The following MAK variants were observed in gnomAD, a reference collection of about 807,000 sequenced individuals.
The protein encoded by MAK is serine/threonine-protein kinase MAK.
In MAK, 65 loss-of-function variants were observed where a neutral mutation model predicts 82.6. That is an observed-to-expected ratio of 0.79 (90% CI 0.64 to 0.97). The LOEUF (loss-of-function observed/expected upper bound fraction) is 0.97. MAK is among the 50% of genes least tolerant of loss of function. The probability of loss-of-function intolerance (pLI) is 0.00; values close to 1 mark genes in which losing one functional copy is unlikely to be tolerated. For missense variants in MAK, 703 were observed against 780.2 expected, an observed-to-expected ratio of 0.90 and a Z score of 1.18; for synonymous variants, 250 against 274.2, an observed-to-expected ratio of 0.91 and a Z score of 0.87.
chr6:10,801,843 T>A (rs1274791128), intron 8 of MAK, 49 bp downstream of exon 8: 2 of 1,575,114 alleles, frequency 1.3e-6, no homozygotes, highest in East Asian at 4.5e-5. Context: ...ATCCCTGATA[T>A]TACAAAACCT....
chr6:10,827,586 A>G (rs769218326), intron 2 of MAK: 2 of 152,222 alleles, frequency 1.3e-5, no homozygotes, highest in African/African-American at 2.4e-5. Context: ...TATGAATTAT[A>G]TAGGTTTTCG....
Position 10,784,321 on chromosome 6 carries a change from A to AT in MAK, c.1465+102dup, listed in dbSNP as rs551075700. The AT allele has an allele frequency of 7.6e-5, 95 of 1,246,636 alleles. No homozygotes were observed. In the Middle Eastern group the frequency reaches 1.4e-3, roughly 18 times the overall value. 77.2% of individuals were successfully genotyped at this position (1,246,636 alleles called of 1,614,324 possible). ...AGCTACCAAAGAGCTCTGTGATTAG[A>AT]TTTTTTGCTTCACTGCTGCCCTTTC... On this transcript the variant is annotated intron_variant, in intron 11 of 14. Coordinates refer to ENST00000354489, the MANE Select transcript of MAK (RefSeq NM_001242957.3).
intron 2 of MAK, 42 bp downstream of exon 2, chr6:10,830,506 C>A: frequency 6.8e-7 from 1 of 1,473,374 alleles, no homozygotes; most frequent in Non-Finnish European, 9.5e-7. Context: ...AAATAAAGAG[C>A]AGAGTTTTCA....
chr6:10,777,867 A>G (rs1047729692), intron 11 of MAK, among the ~76,000 whole-genome samples: 4 of 152,054 alleles, frequency 2.6e-5, no homozygotes, highest in East Asian at 1.9e-4. Context: ...CGGACTCCCA[A>G]CCTCAGGTGA....
In MAK at chr6:10,775,418, C is replaced by T. The variant is rs1400407115; in HGVS notation, c.1507G>A (p.Glu503Lys). 6.2e-7 allele frequency: 1 copy of T among 1,613,900 alleles called. No individual in the cohort carries two copies. The highest frequency in any genetic ancestry group is 1.1e-5 in the South Asian group (1 of 91,070). ...TTGCTCCAAGTGTGGGGGTTTATTT[C>T]CTTTCCACTGGCTATCAAGGACACC... ...KKVSLIASGK[E>K]INPHTWSNQL... Residue 503 changes from glutamate to lysine, a missense_variant, in exon 12 of 15, where the codon GAA (glutamate) becomes AAA (lysine). Transcript: ENST00000354489.
chr6:10,813,445 G>A (rs1046699228), intron 5 of MAK, among the ~76,000 whole-genome samples, 199 bp downstream of exon 5: 1 of 151,464 alleles, frequency 6.6e-6, no homozygotes, highest in Non-Finnish European at 1.5e-5. Flanking sequence ...GTGAGCCACC[G>A]TGCCAGCCAG....
chr6:10,812,453 A>G (rs1358363527), intron 5 of MAK, among the ~76,000 whole-genome samples: 1 of 152,206 alleles, frequency 6.6e-6, no homozygotes, highest in Non-Finnish European at 1.5e-5. Context: ...TTCATAGAAA[A>G]TAGATCAAGT....
chr6:10,791,829 T>C lies in MAK; in HGVS notation c.1162A>G (p.Ser388Gly). 2 of 1,614,146 alleles carry C rather than the reference T, an allele frequency of 1.2e-6. No individual in the cohort carries two copies. The highest frequency in any genetic ancestry group is 1.7e-6 in the Non-Finnish European group (2 of 1,180,022). ...CAACGCCTCCTACCACTTTTATGACTCAGTGTGCCATTTGGCTTCTGTGGT... is the reference window on the plus strand; with the variant it reads ...CAACGCCTCCTACCACTTTTATGACCCAGTGTGCCATTTGGCTTCTGTGGT... ...NMPTKPNGTL[S>G]HKSGRRRWGQ... The change falls in exon 10 of 15, where the codon AGT becomes GGT. Residue 388 changes from serine to glycine, a missense_variant. Transcript: ENST00000354489.
chr6:10,836,213 A>T (rs1270638234), intron 1 of MAK, among the ~76,000 whole-genome samples: 1 of 152,202 alleles, frequency 6.6e-6, no homozygotes, highest in Admixed American at 6.6e-5. Context: ...GACGTGACAT[A>T]GATTTTTAAA....
rs370641912 is a variant in MAK, at chr6:10,813,794, C to A, written c.279-71G>T. 372 of 850,926 alleles carry A rather than the reference C, an allele frequency of 4.4e-4. 1 individual carries two copies. In the South Asian group the frequency reaches 4.7e-3, roughly 11 times the overall value. The allele number at this position is 850,926 out of a possible 1,614,324, so 52.7% of individuals were successfully genotyped here. On this transcript the variant is annotated intron_variant, in intron 4 of 14. Transcript: ENST00000354489. ...AACCAATCCAAAGAAGGTTTATATT[C>A]CCCCTGCCTTGGAGCCTCTACTGGC...
Position 10,773,108 on chromosome 6 carries a change from T to C in MAK, c.1598A>G (p.Glu533Gly), listed in dbSNP as rs1298289597. Residue 533 changes from glutamate to glycine, a missense_variant and splice_region_variant, in exon 13 of 15, where the codon GAA becomes GGA. By Grantham distance (98) the Glu-to-Gly change is moderately conservative. Coordinates refer to ENST00000354489, the MANE Select transcript of MAK (RefSeq NM_001242957.3). ...AELAFKRSNA[E>G]ESIIKPIEKL... ...TTCGATTGGTTTAATTATGCTTTCT[T>C]CTAAAGAGAAGACAGATGGAAAGAA... 10 of 1,483,688 alleles carry C rather than the reference T, an allele frequency of 6.7e-6. No homozygotes were observed. In the East Asian group the frequency reaches 2.5e-4, roughly 37 times the overall value. 91.9% of individuals were successfully genotyped at this position (1,483,688 alleles called of 1,614,324 possible). A position where few individuals can be genotyped will look rare whatever the true frequency, so the allele number is the denominator to read the frequency against.
chr6:10,773,169 G>A lies in MAK; in HGVS notation c.1598-61C>T. ...TAAGGAGAATGTTATAGGAAAAGCA[G>A]AGAAAAAATGGATTAGATGATTAAT... is the stretch of plus-strand genomic sequence containing the variant. On this transcript the variant is annotated intron_variant, in intron 12 of 14. Coordinates refer to ENST00000354489, the MANE Select transcript of MAK (RefSeq NM_001242957.3). 8 of 909,800 alleles carry A rather than the reference G, an allele frequency of 8.8e-6. No individual in the cohort carries two copies. In the Admixed American group the frequency reaches 1.1e-4, roughly 13 times the overall value. 56.4% of individuals were successfully genotyped at this position (909,800 alleles called of 1,614,324 possible).
rs141420368 is a variant in MAK, at chr6:10,808,880, T to C, written c.421A>G (p.Ile141Val). 61 of 1,613,794 alleles carry C rather than the reference T, an allele frequency of 3.8e-5. No homozygotes were observed. The highest frequency in any genetic ancestry group is 2.4e-4 in the African/African-American group (18 of 74,898). The stretch of plus-strand genomic sequence containing the variant: ...TCTCTTGCAAGTCCAAAATCAGCAA[T>C]TTTCACAAGCTCTGGACCCATACAA... ...LLCMGPELVK[I>V]ADFGLARELR... Residue 141 changes from isoleucine to valine, a missense_variant, in exon 6 of 15, where the codon ATT (isoleucine) becomes GTT (valine). Physicochemically the swap from Ile to Val is conservative, Grantham distance 29 (BLOSUM62 3). Coordinates refer to ENST00000354489, the MANE Select transcript of MAK (RefSeq NM_001242957.3).
intron 5 of MAK, among the ~76,000 whole-genome samples, chr6:10,813,411 T>C (rs981558631): frequency 1.3e-5 from 2 of 151,184 alleles, no homozygotes; most frequent in African/African-American, 4.9e-5. Flanking sequence ...TGCCTTGGCC[T>C]CCCAAAGTGC....
At chr6:10,780,844 G>A (rs913134126) in intron 11 of MAK, among the ~76,000 whole-genome samples, 3 of 152,042 alleles carry the variant, frequency 2.0e-5, no homozygotes, top group Non-Finnish European at 2.9e-5. Context: ...CCTTGCTTTT[G>A]CAGTCAGATT....
At chr6:10,816,870 A>C (rs1213602970) in intron 4 of MAK, among the ~76,000 whole-genome samples, 2 of 152,182 alleles carry the variant, frequency 1.3e-5, no homozygotes, top group Non-Finnish European at 2.9e-5. Context: ...CTTGTAAGTA[A>C]ATTAATCAAA....
At chr6:10,821,026 G>A (rs1296275680) in intron 2 of MAK, among the ~76,000 whole-genome samples, 1 of 152,002 alleles carries the variant, frequency 6.6e-6, no homozygotes, top group African/African-American at 2.4e-5. Context: ...ATGGCTCACT[G>A]TAGCCTTGAC....
intron 11 of MAK, among the ~76,000 whole-genome samples, chr6:10,779,686 T>A (rs1437253220): frequency 1.3e-5 from 2 of 152,188 alleles, no homozygotes; most frequent in Non-Finnish European, 2.9e-5. Flanking sequence ...TTTCTTTTTT[T>A]AAATTTTTTT....
intron 10 of MAK, among the ~76,000 whole-genome samples, chr6:10,789,215 C>T (rs565941488): frequency 6.6e-6 from 1 of 151,802 alleles, no homozygotes; most frequent in African/African-American, 2.4e-5. Flanking sequence ...AGAGATTCCT[C>T]GTGCCCCAAA....
Sources: gnomAD v4.1 joint callset for allele counts (sites outside exome capture counted in the v4.1 genomes callset) on GRCh38, gnomAD v4.1.1 for gene constraint, MANE v1.5 for transcripts, NCBI Gene and HGNC (gene_info 2026-07-23, HGNC 2026-07-21) for gene names.